PPP1R9B: variants seen among roughly 807,000 people sequenced by gnomAD.
The protein encoded by PPP1R9B is neurabin-2.
In PPP1R9B, 17 loss-of-function variants were observed where a neutral mutation model predicts 75.8. The ratio of observed to expected loss-of-function variants is 0.22; its 90% CI spans 0.15 to 0.34. The LOEUF (loss-of-function observed/expected upper bound fraction) is 0.34. Among genes scored for constraint, PPP1R9B ranks in the 10% least tolerant of loss-of-function variants. PPP1R9B has a pLI of 1.00. For synonymous variants in PPP1R9B, 509 were observed against 535.4 expected (o/e 0.95, Z 0.68); for missense variants, 875 against 1,196.0 (o/e 0.73, Z 3.96).
intron 7 of PPP1R9B, among the ~76,000 whole-genome samples, chr17:50,136,728 A>G (rs927317492): frequency 9.2e-5 from 14 of 152,064 alleles, no homozygotes; most frequent in Non-Finnish European, 1.5e-5. Context: ...AGTCCCCCAC[A>G]GCTCAGTTCC....
At position 50,134,759 on chromosome 17, in the gene PPP1R9B, C is replaced by A. The variant is rs1261938222; in HGVS notation, c.*572G>T. The A allele has an allele frequency of 6.3e-6, 1 of 157,732 alleles. No individual in the cohort carries two copies. Among genetic ancestry groups the A allele is most frequent in the Non-Finnish European group, 1.4e-5 (1 of 71,310 alleles). 9.8% of individuals were successfully genotyped at this position (157,732 alleles called of 1,614,324 possible). ...CTCCGGGCTCTGGGGTGGACTCTAT[C>A]CCTCCCAGGACAGGGAACAGGGATG... On this transcript the variant is annotated 3_prime_UTR_variant, in exon 10 of 10. Coordinates refer to ENST00000612501, the MANE Select transcript of PPP1R9B (RefSeq NM_032595.5).
At chr17:50,144,635 C>T (rs1483915668) in intron 2 of PPP1R9B, among the ~76,000 whole-genome samples, 1 of 152,230 alleles carries the variant, frequency 6.6e-6, no homozygotes, top group Admixed American at 6.5e-5. Context: ...ACTCAAGCTT[C>T]ACTTCCCTGG....
At chr17:50,145,644 C>G (rs999572132) in intron 1 of PPP1R9B, among the ~76,000 whole-genome samples, 7 of 151,490 alleles carry the variant, frequency 4.6e-5, no homozygotes, top group Admixed American at 3.3e-4. Flanking sequence ...AAGACAGACA[C>G]AGAGAGGAAG....
chr17:50,141,988 A>T (rs1912395831), intron 3 of PPP1R9B, among the ~76,000 whole-genome samples: 1 of 152,176 alleles, frequency 6.6e-6, no homozygotes, highest in Non-Finnish European at 1.5e-5. Flanking sequence ...GCCCCACAGC[A>T]CACAAGTGAC....
intron 3 of PPP1R9B, 74 bp from the exon 4 acceptor site, chr17:50,141,447 G>A (rs1912375437): frequency 1.1e-6 from 1 of 941,938 alleles, no homozygotes; most frequent in Non-Finnish European, 1.6e-6. Flanking sequence ...CCTCCCATCA[G>A]AAACTCCAGG....
In PPP1R9B at chr17:50,141,393, T is replaced by G. The variant is rs1225140025; in HGVS notation, c.1626-20A>C. 2 of 1,533,170 alleles carry G rather than the reference T, an allele frequency of 1.3e-6. No homozygotes were observed. The highest frequency in any genetic ancestry group is 1.8e-6 in the Non-Finnish European group (2 of 1,129,678). The allele number at this position is 1,533,170 out of a possible 1,614,324, so 95.0% of individuals were successfully genotyped here. A position where few individuals can be genotyped will look rare whatever the true frequency, so the allele number is the denominator to read the frequency against. On this transcript the variant is annotated intron_variant, in intron 3 of 9. Transcript: ENST00000612501. ...TGGATCCTAGCGGAGTGACATTGGTTAAGGGGTCACAGGGGAACCGAGGAG... is the reference window on the plus strand; with the variant it reads ...TGGATCCTAGCGGAGTGACATTGGTGAAGGGGTCACAGGGGAACCGAGGAG...
chr17:50,144,547 C>T (rs764407212), intron 2 of PPP1R9B, among the ~76,000 whole-genome samples: 2 of 152,174 alleles, frequency 1.3e-5, no homozygotes, highest in African/African-American at 2.4e-5. Flanking sequence ...CATTTGCATG[C>T]TCTTCTTGCC....
At chr17:50,145,367 G>T in intron 1 of PPP1R9B, 122 bp from the exon 2 acceptor site, 1 of 1,264,332 alleles carries the variant, frequency 7.9e-7, no homozygotes, top group Non-Finnish European at 1.1e-6. Context: ...GCCCTGAGAT[G>T]AGGCCTCACC....
At chr17:50,145,821 C>T (rs768769264) in intron 1 of PPP1R9B, among the ~76,000 whole-genome samples, 2 of 151,974 alleles carry the variant, frequency 1.3e-5, no homozygotes, top group Non-Finnish European at 2.9e-5. Flanking sequence ...TCTGACTTGC[C>T]GCTCAAGTGG....
At chr17:50,143,783 G>C in intron 2 of PPP1R9B, 65 bp from the exon 3 acceptor site, 1 of 1,598,162 alleles carries the variant, frequency 6.3e-7, no homozygotes, top group Admixed American at 1.7e-5. Context: ...TCTCCACCCC[G>C]AATTCCAGGG....
intron 1 of PPP1R9B, among the ~76,000 whole-genome samples, chr17:50,146,627 C>A (rs1481337801): frequency 6.6e-6 from 1 of 152,156 alleles, no homozygotes; most frequent in Non-Finnish European, 1.5e-5. Flanking sequence ...GTGGGAGGGA[C>A]CCCTCTGGTC....
In PPP1R9B at chr17:50,136,075, G is replaced by T; in HGVS notation, c.2196C>A (p.Ser732Arg). 6.2e-7 allele frequency: 1 copy of T among 1,612,534 alleles called. No homozygotes were observed. The change falls in exon 8 of 10, where the codon AGC becomes AGA. Residue 732 changes from serine to arginine, a missense_variant. Transcript: ENST00000612501. ...KLEGYWGEAQ[S>R]LCQAVDEHLR... Reference sequence around the variant, plus strand: ...GGTGCTCGTCCACAGCCTGGCACAGGCTCTGGGCCTCACCCCAGTAGCCTT... The same window carrying T: ...GGTGCTCGTCCACAGCCTGGCACAGTCTCTGGGCCTCACCCCAGTAGCCTT...
Position 50,149,312 on chromosome 17 carries a change from A to T in PPP1R9B, c.1202T>A (p.Leu401His). 6.2e-7 allele frequency: 1 copy of T among 1,612,646 alleles called. No homozygotes were observed. Among genetic ancestry groups the T allele is most frequent in the Non-Finnish European group, 8.5e-7 (1 of 1,179,568 alleles). The change falls in exon 1 of 10, where the codon CTC becomes CAC. Residue 401 changes from leucine to histidine, a missense_variant. By Grantham distance (99) the Leu-to-His change is moderately conservative. This residue lies in a region of PPP1R9B where 449 missense variants were observed against 475.0 expected (regional missense o/e 0.95). Transcript: ENST00000612501. This position sits in a 1 kb window ranked among gnomAD's most constrained non-coding sequence, Gnocchi z 7.2. ...DLVDVSAYSGLGEDSAGSALE... is the reference protein window; with the variant it reads ...DLVDVSAYSGHGEDSAGSALE... ...GGCACTGCCCGCAGAGTCCTCCCCG[A>T]GCCCACTGTAGGCGCTCACGTCCAC...
chr17:50,141,178 AG>A, intron 4 of PPP1R9B, 90 bp downstream of exon 4: 2 of 849,290 alleles, frequency 2.4e-6, no homozygotes, highest in Non-Finnish European at 3.7e-6. Flanking sequence ...CTGGGCCACC[AG>A]AACCTTAACT....
intron 3 of PPP1R9B, 86 bp downstream of exon 3, chr17:50,143,512 C>T: frequency 1.3e-6 from 2 of 1,529,554 alleles, no homozygotes; most frequent in African/African-American, 1.4e-5. Context: ...AAGGCCCGCC[C>T]CACCCCCTGC....
intron 3 of PPP1R9B, 46 bp from the exon 4 acceptor site, chr17:50,141,419 C>T (rs1490454784): frequency 1.5e-5 from 21 of 1,371,000 alleles, no homozygotes; most frequent in South Asian, 1.3e-4. Flanking sequence ...AACCGAGGAG[C>T]GAGGGTAGAG....
chr17:50,143,696 G>A lies in PPP1R9B; in HGVS notation c.1527C>T (p.Ser509=), dbSNP rs759334692. Residue 509 remains serine, a synonymous_variant, in exon 3 of 10, where the codon AGC becomes AGT. Coordinates refer to ENST00000612501, the MANE Select transcript of PPP1R9B (RefSeq NM_032595.5). ...CTGCCCCGGCGCCCATGCCGATGAT[G>A]CTGATGCCCAGGCCCTCGGAGTCTG... ...LEKDSEGLGI[S]IIGMGAGADM... is the part of the protein sequence containing the mutation. 78 of 1,613,848 alleles carry A rather than the reference G, an allele frequency of 4.8e-5. No individual in the cohort carries two copies. Among genetic ancestry groups the A allele is most frequent in the Non-Finnish European group, 6.6e-5 (78 of 1,179,898 alleles).
intron 7 of PPP1R9B, among the ~76,000 whole-genome samples, chr17:50,137,028 C>T (rs1912250027): frequency 6.6e-6 from 1 of 152,176 alleles, no homozygotes; most frequent in Admixed American, 6.5e-5. Flanking sequence ...TGCTCTCTGT[C>T]CCCCAGCCAC....
chr17:50,140,223 A>T lies in PPP1R9B; in HGVS notation c.1736T>A (p.Met579Lys). Reference sequence around the variant, plus strand: ...CTCTCCCGGCCGCTCCCGGCCAATCATAAACCTGCAGGGGCACCGGCATCA... The same window carrying T: ...CTCTCCCGGCCGCTCCCGGCCAATCTTAAACCTGCAGGGGCACCGGCATCA... ...LRNTKGRVRF[M>K]IGRERPGEQS... Residue 579 changes from methionine (M) to lysine (K), a missense_variant, in exon 5 of 10, where the codon ATG (methionine) becomes AAG (lysine). By Grantham distance (95) the Met-to-Lys change is moderately conservative. Coordinates refer to ENST00000612501, the MANE Select transcript of PPP1R9B (RefSeq NM_032595.5). The T allele has an allele frequency of 6.3e-7, 1 of 1,596,006 alleles. No individual in the cohort carries two copies. The highest frequency in any genetic ancestry group is 8.5e-7 in the Non-Finnish European group (1 of 1,171,544).
Sources: allele counts gnomAD v4.1 joint callset (sites outside exome capture counted in the v4.1 genomes callset), GRCh38; gene constraint gnomAD v4.1.1; regional missense constraint gnomAD v4.1.1; non-coding constraint Gnocchi (gnomAD v3.1); transcripts MANE v1.5; gene names NCBI Gene and HGNC (gene_info 2026-07-23, HGNC 2026-07-21).